The following ZHX3 variants were observed in gnomAD, a reference collection of about 807,000 sequenced individuals.
ZHX3 encodes the protein zinc fingers and homeoboxes 3.
Under a neutral mutation model 64.5 loss-of-function variants are expected in ZHX3, and 20 were observed. The observed-to-expected ratio is 0.31, with a 90% CI of 0.22 to 0.45. The LOEUF (loss-of-function observed/expected upper bound fraction) is 0.45, where lower values mean the gene tolerates loss of function less well. Among genes scored for constraint, ZHX3 ranks in the 20% least tolerant of loss-of-function variants. ZHX3 has a pLI of 1.00. For synonymous variants in ZHX3, 423 were observed against 461.6 expected, an observed-to-expected ratio of 0.92 and a Z score of 1.07; for missense variants, 1,041 against 1,195.8, an observed-to-expected ratio of 0.87 and a Z score of 1.91.
chr20:41,216,429 G>C (rs1600809065), intron 2 of ZHX3, among the ~76,000 whole-genome samples: 1 of 152,260 alleles, frequency 6.6e-6, no homozygotes, highest in East Asian at 1.9e-4. Context: ...CCTAGGCATA[G>C]CTTACTATAA....
chr20:41,227,196 G>A (rs541872931), intron 2 of ZHX3, among the ~76,000 whole-genome samples: 1 of 152,098 alleles, frequency 6.6e-6, no homozygotes, highest in Non-Finnish European at 1.5e-5. Context: ...TGGGGTGGGG[G>A]GCAGCAGAAC....
chr20:41,289,614 A>G (rs1344626859), intron 1 of ZHX3, among the ~76,000 whole-genome samples: 1 of 152,154 alleles, frequency 6.6e-6, no homozygotes, highest in East Asian at 1.9e-4. Flanking sequence ...TGTACTAATA[A>G]AACGTTTGGC....
intron 2 of ZHX3, among the ~76,000 whole-genome samples, chr20:41,233,850 G>T (rs1441803207): frequency 6.6e-6 from 1 of 152,178 alleles, no homozygotes; most frequent in Non-Finnish European, 1.5e-5. Context: ...TAGGCATAAA[G>T]TCCCAAGACA....
intron 3 of ZHX3, among the ~76,000 whole-genome samples, chr20:41,192,350 T>G (rs1162509157): frequency 6.6e-6 from 1 of 152,166 alleles, no homozygotes. Flanking sequence ...ATCTTCAGGC[T>G]CCCTATGATG....
chr20:41,311,349 G>A (rs1352199453), intron 1 of ZHX3, among the ~76,000 whole-genome samples: 4 of 152,016 alleles, frequency 2.6e-5, no homozygotes, highest in Non-Finnish European at 4.4e-5. Context: ...ATTTACAGCT[G>A]AAAAAACAGA....
At chr20:41,296,233 A>T (rs992455661) in intron 1 of ZHX3, among the ~76,000 whole-genome samples, 11 of 23,952 alleles carry the variant, frequency 4.6e-4, no homozygotes, top group African/African-American at 9.7e-4. Context: ...TTCATAAAGT[A>T]AAAAAAAAAA....
chr20:41,212,170 A>G lies in ZHX3; in HGVS notation c.-150-7104T>C, dbSNP rs1347639307. Among the ~76,000 whole-genome samples, 1 of 152,270 alleles carries G rather than the reference A, an allele frequency of 6.6e-6. No individual in the cohort carries two copies. The highest frequency in any genetic ancestry group is 1.5e-5 in the Non-Finnish European group (1 of 68,048). On this transcript the variant is annotated intron_variant, in intron 2 of 3. Transcript: ENST00000683867. This position sits in a 1 kb window ranked among gnomAD's most constrained non-coding sequence, Gnocchi z 4.3. The stretch of plus-strand genomic sequence containing the variant: ...ATCTGGTAAAGTATATCCAGATTAT[A>G]TAAATAACTTACAACTCAACCATAG...
intron 1 of ZHX3, among the ~76,000 whole-genome samples, chr20:41,286,199 A>C (rs1411766174): frequency 6.6e-6 from 1 of 152,226 alleles, no homozygotes; most frequent in Non-Finnish European, 1.5e-5. Context: ...AAGTTTATGA[A>C]TTGTATCATT....
chr20:41,191,176 A>G lies in ZHX3; in HGVS notation c.2861-5975T>C, dbSNP rs375505072. ...CCTCTGGGATCCCAATAATTTAGAT[A>G]TGTAGTTGCTTTATTGTGTCCCATA... On this transcript the variant is annotated intron_variant, in intron 3 of 3. Transcript: ENST00000683867. 1.8e-4 allele frequency among the ~76,000 whole-genome samples: 28 copies of G among 152,274 alleles called. 1 individual carries two copies. In the South Asian group the frequency reaches 5.6e-3, roughly 30 times the overall value.
At chr20:41,303,262 C>T (rs1244184790) in intron 1 of ZHX3, among the ~76,000 whole-genome samples, 5 of 152,220 alleles carry the variant, frequency 3.3e-5, no homozygotes. Flanking sequence ...AGTGCCACAT[C>T]AGACACACTG....
intron 1 of ZHX3, among the ~76,000 whole-genome samples, chr20:41,273,369 T>C (rs1024847044): frequency 6.6e-6 from 1 of 152,234 alleles, no homozygotes; most frequent in South Asian, 2.1e-4. Context: ...TAACATTTGA[T>C]GCCATCCAAT....
At chr20:41,238,086 G>A (rs2041132660) in intron 2 of ZHX3, among the ~76,000 whole-genome samples, 2 of 152,194 alleles carry the variant, frequency 1.3e-5, no homozygotes, top group Non-Finnish European at 2.9e-5. Flanking sequence ...TTCACTTGCA[G>A]TTGCTTGCTT....
intron 1 of ZHX3, among the ~76,000 whole-genome samples, chr20:41,269,663 A>C (rs2043030118): frequency 6.6e-6 from 1 of 152,208 alleles, no homozygotes; most frequent in Admixed American, 6.5e-5. Flanking sequence ...ATTACTTGGG[A>C]AACAGCTGTA....
At chr20:41,279,028 C>T (rs549696740) in intron 1 of ZHX3, among the ~76,000 whole-genome samples, 14 of 152,282 alleles carry the variant, frequency 9.2e-5, no homozygotes, top group African/African-American at 2.6e-4. Context: ...TTGCCCACCT[C>T]GGCCTCTCAA....
At chr20:41,215,875 C>CCT (rs940112996) in intron 2 of ZHX3, among the ~76,000 whole-genome samples, 6 of 150,338 alleles carry the variant, frequency 4.0e-5, no homozygotes, top group African/African-American at 1.5e-4. Context: ...TGGAGTGAAC[C>CCT]CAGGAGGCGG....
At chr20:41,290,991 T>C (rs538090303) in intron 1 of ZHX3, among the ~76,000 whole-genome samples, 3 of 152,218 alleles carry the variant, frequency 2.0e-5, no homozygotes, top group Non-Finnish European at 4.4e-5. Context: ...TGGGGAGCTT[T>C]AGGATATTTT....
At chr20:41,249,682 G>A (rs970476877) in intron 2 of ZHX3, among the ~76,000 whole-genome samples, 6 of 152,162 alleles carry the variant, frequency 3.9e-5, no homozygotes, top group Non-Finnish European at 7.4e-5. Flanking sequence ...AAAGATGAAT[G>A]GTTAAATAGA....
chr20:41,178,856 G>A lies in ZHX3; in HGVS notation c.*6335C>T, dbSNP rs2036142526. 2 of 152,626 alleles carry A rather than the reference G, an allele frequency of 1.3e-5. No individual in the cohort carries two copies. The highest frequency in any genetic ancestry group is 1.3e-4 in the Admixed American group (2 of 15,286). 9.5% of individuals were successfully genotyped at this position (152,626 alleles called of 1,614,324 possible). Reference sequence around the variant, plus strand: ...GACCCTCTTGCAGAGTTTGGCTAAAGTTTCATTGTGCCTCAAAACAAACAA... The same window carrying A: ...GACCCTCTTGCAGAGTTTGGCTAAAATTTCATTGTGCCTCAAAACAAACAA... On this transcript the variant is annotated 3_prime_UTR_variant, in exon 4 of 4. Transcript: ENST00000683867.
At position 41,255,253 on chromosome 20, in the gene ZHX3, G is replaced by A. The variant is rs528371865; in HGVS notation, c.-151+13737C>T. On this transcript the variant is annotated intron_variant, in intron 2 of 3. Transcript: ENST00000683867. ...TGCAAGCTCCGCCTCCTGGGTTCACGCCATTCTCTTGCCTCAGCCTCCTGA... is the reference window on the plus strand; with the variant it reads ...TGCAAGCTCCGCCTCCTGGGTTCACACCATTCTCTTGCCTCAGCCTCCTGA... 1.4e-3 allele frequency among the ~76,000 whole-genome samples: 216 copies of A among 152,192 alleles called. No individual in the cohort carries two copies. The Middle Eastern group carries it at 0.02, about 14-fold the overall frequency.
Sources: gnomAD v4.1 joint callset for allele counts (sites outside exome capture counted in the v4.1 genomes callset) on GRCh38, gnomAD v4.1.1 for gene constraint, Gnocchi (gnomAD v3.1) non-coding constraint, MANE v1.5 for transcripts, NCBI Gene and HGNC (gene_info 2026-07-23, HGNC 2026-07-21) for gene names.